RIN2: variants seen among roughly 807,000 people sequenced by gnomAD.
RIN2 encodes the protein RAB5 interacting protein 2.
A neutral mutation model predicts 78.0 loss-of-function variants in RIN2; 36 were observed. That is an observed-to-expected ratio of 0.46 (90% CI 0.35 to 0.61). RIN2 has a LOEUF of 0.61. Among genes scored for constraint, RIN2 ranks in the 20% least tolerant of loss-of-function variants. The pLI, the probability that RIN2 is intolerant of heterozygous loss-of-function variation, is 0.00. For synonymous variants in RIN2, 466 were observed against 466.8 expected (o/e 1.00, Z 0.02); for missense variants, 1,087 against 1,159.7 (o/e 0.94, Z 0.91).
In RIN2 at chr20:19,849,607, G is replaced by A. The variant is rs182962559; in HGVS notation, c.-36-39959G>A. Among the ~76,000 whole-genome samples, 304 of 152,268 alleles carry A rather than the reference G, an allele frequency of 2.0e-3. 1 individual carries two copies. The highest frequency in any genetic ancestry group is 6.9e-3 in the African/African-American group (288 of 41,554). Reference sequence around the variant, plus strand: ...AGCCACATTTGAGGCATGATGTCTCGGAAGCCTGGCACCACGGACTGTTTT... The same window carrying A: ...AGCCACATTTGAGGCATGATGTCTCAGAAGCCTGGCACCACGGACTGTTTT... On this transcript the variant is annotated intron_variant, in intron 2 of 12. Coordinates refer to ENST00000255006, the MANE Select transcript of RIN2 (RefSeq NM_018993.4).
At chr20:19,994,345 C>T (rs1029010270) in intron 11 of RIN2, among the ~76,000 whole-genome samples, 5 of 152,182 alleles carry the variant, frequency 3.3e-5, no homozygotes, top group African/African-American at 7.2e-5. Context: ...TGGACTTTTC[C>T]GTGCCTGCCC....
intron 3 of RIN2, among the ~76,000 whole-genome samples, chr20:19,911,768 G>A (rs1479928064): frequency 2.0e-5 from 3 of 152,140 alleles, no homozygotes; most frequent in Admixed American, 6.5e-5. Flanking sequence ...TCACATACAT[G>A]CAGAAAGTGC....
intron 11 of RIN2, among the ~76,000 whole-genome samples, chr20:19,994,806 G>A (rs537188506): frequency 3.3e-5 from 5 of 152,214 alleles, no homozygotes; most frequent in Non-Finnish European, 5.9e-5. Context: ...TTGTTTGTGG[G>A]GCGAATATTT....
intron 5 of RIN2, among the ~76,000 whole-genome samples, chr20:19,960,245 AT>A (rs2041694781): frequency 6.6e-6 from 1 of 152,238 alleles, no homozygotes; most frequent in African/African-American, 2.4e-5. Context: ...TTAAATTTCT[AT>A]TGTAAATATC....
chr20:19,991,678 G>A (rs73901372), intron 10 of RIN2, among the ~76,000 whole-genome samples: 3,144 of 152,272 alleles, frequency 0.021, 125 homozygotes, highest in African/African-American at 0.071. Context: ...GAATTGGCAC[G>A]TTTAAAGAAA....
intron 3 of RIN2, among the ~76,000 whole-genome samples, chr20:19,915,858 G>C (rs1249015780): frequency 6.6e-6 from 1 of 152,124 alleles, no homozygotes; most frequent in African/African-American, 2.4e-5. Flanking sequence ...TTTCCCTTCT[G>C]ATATTGCATG....
intron 2 of RIN2, among the ~76,000 whole-genome samples, chr20:19,879,910 C>T (rs1204570821): frequency 6.6e-6 from 1 of 152,120 alleles, no homozygotes; most frequent in Non-Finnish European, 1.5e-5. Flanking sequence ...CATGGACTCC[C>T]TAAACTCTTT....
intron 4 of RIN2, among the ~76,000 whole-genome samples, chr20:19,946,058 T>A (rs2146185841): frequency 6.6e-6 from 1 of 152,362 alleles, no homozygotes; most frequent in Middle Eastern, 3.4e-3. Flanking sequence ...AAGCTCCTCC[T>A]CTTCCGTAAA....
At chr20:19,984,576 G>A (rs946077471) in intron 9 of RIN2, among the ~76,000 whole-genome samples, 2 of 152,166 alleles carry the variant, frequency 1.3e-5, no homozygotes, top group African/African-American at 4.8e-5. Context: ...AGACCAGCCT[G>A]GCCAACATGG....
Position 19,955,173 on chromosome 20 carries a change from G to T in RIN2, c.159-1442G>T, listed in dbSNP as rs185880648. Among the ~76,000 whole-genome samples the T allele has an allele frequency of 3.2e-4, 49 of 152,188 alleles. No homozygotes were observed. In the South Asian group the frequency reaches 3.9e-3, roughly 12 times the overall value. ...ACTTTGTGTCTCTGTAGATTTGCTT[G>T]TTCTGGATATTTCATGTAAATCGAG... On this transcript the variant is annotated intron_variant, in intron 4 of 12. Transcript: ENST00000255006.
At chr20:19,885,984 G>A (rs892805649) in intron 2 of RIN2, among the ~76,000 whole-genome samples, 3 of 152,078 alleles carry the variant, frequency 2.0e-5, no homozygotes, top group African/African-American at 7.2e-5. Flanking sequence ...GGAAGGGTGG[G>A]GAAGGGACAG....
intron 3 of RIN2, among the ~76,000 whole-genome samples, chr20:19,919,161 G>A (rs910884374): frequency 8.5e-5 from 13 of 152,336 alleles, no homozygotes; most frequent in East Asian, 1.9e-4. Flanking sequence ...GACAGATGCC[G>A]TGCGAGAGTC....
intron 2 of RIN2, chr20:19,823,857 G>A: frequency 6.2e-7 from 1 of 1,606,000 alleles, no homozygotes. Context: ...CGATCTTGGG[G>A]GCCAGGGCAG....
At chr20:19,865,818 T>TA (rs922747352) in intron 2 of RIN2, among the ~76,000 whole-genome samples, 13 of 152,152 alleles carry the variant, frequency 8.5e-5, no homozygotes, top group Non-Finnish European at 1.8e-4. Context: ...AAAAATATAA[T>TA]AAAAATATAC....
chr20:19,956,852 G>T (rs2041565711), intron 5 of RIN2, 45 bp downstream of exon 5: 2 of 1,442,320 alleles, frequency 1.4e-6, no homozygotes, highest in African/African-American at 2.9e-5. Context: ...AGGCAGGACT[G>T]CTGCCGGCTT....
intron 1 of RIN2, among the ~76,000 whole-genome samples, chr20:19,761,882 ACT>A: frequency 6.6e-6 from 1 of 152,184 alleles, no homozygotes; most frequent in South Asian, 2.1e-4. Context: ...AGCCTTTCCA[ACT>A]CTGAGAATCC....
At chr20:19,897,606 C>A (rs2038789352) in intron 3 of RIN2, among the ~76,000 whole-genome samples, 1 of 152,142 alleles carries the variant, frequency 6.6e-6, no homozygotes, top group Admixed American at 6.5e-5. Context: ...TAACCTCCTG[C>A]TCTGGTTCTT....
intron 9 of RIN2, among the ~76,000 whole-genome samples, chr20:19,986,469 G>A (rs1006946972): frequency 7.9e-5 from 12 of 151,932 alleles, no homozygotes; most frequent in African/African-American, 2.2e-4. Context: ...TTCAGAAAAC[G>A]GGCTACTCCC....
intron 3 of RIN2, chr20:19,934,719 C>A (rs2040564949): frequency 3.4e-6 from 2 of 592,458 alleles, no homozygotes; most frequent in Non-Finnish European, 4.2e-6. Flanking sequence ...GGAGGGTTTC[C>A]CTTGCCAAAT....
Sources: gnomAD v4.1 joint callset for allele counts (sites outside exome capture counted in the v4.1 genomes callset) on GRCh38, gnomAD v4.1.1 for gene constraint, MANE v1.5 for transcripts, NCBI Gene and HGNC (gene_info 2026-07-23, HGNC 2026-07-21) for gene names.